The following DCHS2 variants were observed in gnomAD, a reference collection of about 807,000 sequenced individuals.
The protein encoded by DCHS2 is dachsous cadherin-related 2.
Under a neutral mutation model 182.4 loss-of-function variants are expected in DCHS2, and 142 were observed. That is an observed-to-expected ratio of 0.78 (90% confidence interval 0.68 to 0.89). DCHS2 has a LOEUF of 0.89. Ranked by LOEUF, DCHS2 falls within the 40% of genes least tolerant of loss-of-function variation. The pLI, the probability that DCHS2 is intolerant of heterozygous loss-of-function variation, is 0.00. For missense variants in DCHS2, 4,319 were observed against 4,198.6 expected (o/e 1.03, Z -0.79); for synonymous variants, 1,740 against 1,663.3 (o/e 1.05, Z -1.12).
chr4:154,416,300 C>G (rs548853479), intron 1 of DCHS2, among the ~76,000 whole-genome samples: 3 of 152,300 alleles, frequency 2.0e-5, no homozygotes, highest in African/African-American at 7.2e-5. Flanking sequence ...GCATCAGCCC[C>G]GTCTTCTATT....
chr4:154,380,845 G>A (rs1731135458), intron 1 of DCHS2, among the ~76,000 whole-genome samples: 1 of 152,030 alleles, frequency 6.6e-6, no homozygotes, highest in Non-Finnish European at 1.5e-5. Flanking sequence ...TTAATATTGG[G>A]TCTTGAATGC....
At chr4:154,316,754 A>C (rs1439209878) in intron 9 of DCHS2, among the ~76,000 whole-genome samples, 1 of 152,204 alleles carries the variant, frequency 6.6e-6, no homozygotes, top group Non-Finnish European at 1.5e-5. Flanking sequence ...ACTGCACTCT[A>C]GCCTGGGCAA....
At chr4:154,336,562 A>G (rs1728820128) in intron 3 of DCHS2, among the ~76,000 whole-genome samples, 1 of 152,200 alleles carries the variant, frequency 6.6e-6, no homozygotes, top group African/African-American at 2.4e-5. Context: ...CTAGGCATTA[A>G]AAGGTGACAT....
chr4:154,446,690 T>C (rs947047745), intron 1 of DCHS2, among the ~76,000 whole-genome samples: 3 of 152,018 alleles, frequency 2.0e-5, no homozygotes, highest in African/African-American at 7.3e-5. Context: ...CCAAATGACA[T>C]TACATGATGG....
At chr4:154,282,788 C>A (rs1035383194) in intron 13 of DCHS2, among the ~76,000 whole-genome samples, 6 of 152,008 alleles carry the variant, frequency 3.9e-5, no homozygotes, top group Admixed American at 3.3e-4. Flanking sequence ...AAATGTCCCT[C>A]AATGAATGAA....
At position 154,491,278 on chromosome 4, in the gene DCHS2, G is replaced by A. The variant is rs73856409; in HGVS notation, c.78C>T (p.Pro26=). Residue 26 remains proline, a synonymous_variant, in exon 1 of 20, where the codon CCC becomes CCT. Transcript: ENST00000357232. ...RAPVGKLLLL[P]GRRDTPHGRS... Reference sequence around the variant, plus strand: ...GCCCATGGGGTGTATCTCTCCTCCCGGGGAGCAGAAGGAGCTTCCCGACCG... The same window carrying A: ...GCCCATGGGGTGTATCTCTCCTCCCAGGGAGCAGAAGGAGCTTCCCGACCG... 4.4e-3 allele frequency: 6,836 copies of A among 1,550,020 alleles called. 219 individuals carry two copies. In the South Asian group the frequency reaches 0.061, roughly 14 times the overall value.
intron 9 of DCHS2, among the ~76,000 whole-genome samples, chr4:154,317,449 C>T (rs1561036686): frequency 6.6e-6 from 1 of 152,166 alleles, no homozygotes; most frequent in Non-Finnish European, 1.5e-5. Flanking sequence ...AATGAAACCA[C>T]ATGTACAAGA....
chr4:154,362,964 G>A (rs188570820), intron 3 of DCHS2, among the ~76,000 whole-genome samples: 3,356 of 152,266 alleles, frequency 0.022, 60 homozygotes, highest in Non-Finnish European at 0.033. Flanking sequence ...GTCAGTGATA[G>A]GCTATTAGCA....
At chr4:154,240,199 G>T (rs1011368798) in intron 18 of DCHS2, among the ~76,000 whole-genome samples, 1 of 150,806 alleles carries the variant, frequency 6.6e-6, no homozygotes, top group Non-Finnish European at 1.5e-5. Context: ...ATGAAAGAAA[G>T]AATTTTCCCA....
In DCHS2 at chr4:154,469,243, T is replaced by C. The variant is rs551206382; in HGVS notation, c.2052+20061A>G. ...ATCTTCTCAATATAAAAATTTCTAT[T>C]TTTTTTTTACTTTTGGATGTCATAA... On this transcript the variant is annotated intron_variant, in intron 1 of 19. Coordinates refer to ENST00000357232, the MANE Select transcript of DCHS2 (RefSeq NM_001358235.2). 2.7e-5 allele frequency among the ~76,000 whole-genome samples: 4 copies of C among 150,734 alleles called. No homozygotes were observed. In the East Asian group the frequency reaches 7.8e-4, roughly 29 times the overall value.
At chr4:154,240,409 G>A (rs751905940) in intron 18 of DCHS2, 128 bp downstream of exon 18, 104 of 1,135,788 alleles carry the variant, frequency 9.2e-5, no homozygotes, top group Non-Finnish European at 1.2e-4. Flanking sequence ...AACCCGCAGC[G>A]TTAACTTAGG....
At chr4:154,292,452 T>A (rs1396999485) in intron 13 of DCHS2, among the ~76,000 whole-genome samples, 1 of 152,206 alleles carries the variant, frequency 6.6e-6, no homozygotes, top group Non-Finnish European at 1.5e-5. Context: ...TTGTTCCATT[T>A]AGCTATGAAG....
chr4:154,489,851 C>G lies in DCHS2; in HGVS notation c.1505G>C (p.Arg502Pro). 2 of 1,548,602 alleles carry G rather than the reference C, an allele frequency of 1.3e-6. No homozygotes were observed. The highest frequency in any genetic ancestry group is 1.7e-6 in the Non-Finnish European group (2 of 1,144,774). The change falls in exon 1 of 20, where the codon CGC becomes CCC. Residue 502 changes from arginine to proline, a missense_variant. Arg to Pro is a moderately radical substitution (Grantham distance 103, BLOSUM62 -2). Transcript: ENST00000357232. ...CACCAGTAGTAACTCATACAGATCG[C>G]GGCTCTCTCTGTCCAGGGGCCCCTC... is the stretch of plus-strand genomic sequence containing the variant. ...CVEGPLDRESRDLYELLLVAT... is the reference protein window; with the variant it reads ...CVEGPLDRESPDLYELLLVAT...
chr4:154,299,091 TA>T (rs376921035), intron 12 of DCHS2, among the ~76,000 whole-genome samples: 33 of 152,038 alleles, frequency 2.2e-4, no homozygotes, highest in East Asian at 9.7e-4. Context: ...TAGATGAGGA[TA>T]AAAAAAACAG....
At chr4:154,440,039 C>T (rs2110953395) in intron 1 of DCHS2, among the ~76,000 whole-genome samples, 1 of 152,332 alleles carries the variant, frequency 6.6e-6, no homozygotes, top group South Asian at 2.1e-4. Flanking sequence ...TTATTGAATT[C>T]TTTCCTAACC....
At chr4:154,239,021 A>T (rs1731669268) in intron 19 of DCHS2, 149 bp downstream of exon 19, 2 of 1,065,436 alleles carry the variant, frequency 1.9e-6, no homozygotes, top group Admixed American at 6.5e-5. Context: ...GCAGCACTTC[A>T]TGTGAAGAGT....
chr4:154,469,736 C>T (rs1357413033), intron 1 of DCHS2, among the ~76,000 whole-genome samples: 1 of 152,168 alleles, frequency 6.6e-6, no homozygotes, highest in African/African-American at 2.4e-5. Context: ...TGCCTTTGTA[C>T]TTACTGGTCC....
Position 154,232,123 on chromosome 4 carries a change from CCA to C in DCHS2, c.*2411_*2412del, listed in dbSNP as rs1731227864. The C allele has an allele frequency of 6.6e-6, 1 of 152,226 alleles. No homozygotes were observed. The highest frequency in any genetic ancestry group is 2.4e-5 in the African/African-American group (1 of 41,556). 9.4% of individuals were successfully genotyped at this position (152,226 alleles called of 1,614,324 possible). A position where few individuals can be genotyped will look rare whatever the true frequency, so the allele number is the denominator to read the frequency against. ...TCCACTAACAAGTTCTGTACCCCCT[CCA>C]GAGTGCTAAAGCCAGTGCATAGATC... is the stretch of plus-strand genomic sequence containing the variant. On this transcript the variant is annotated 3_prime_UTR_variant, in exon 20 of 20. Transcript: ENST00000357232.
At chr4:154,310,067 G>A (rs1204630055) in intron 10 of DCHS2, among the ~76,000 whole-genome samples, 1 of 152,186 alleles carries the variant, frequency 6.6e-6, no homozygotes, top group Non-Finnish European at 1.5e-5. Flanking sequence ...TAAATACCTT[G>A]TAAGGAGATG....
Sources: allele counts gnomAD v4.1 joint callset (sites outside exome capture counted in the v4.1 genomes callset), GRCh38; gene constraint gnomAD v4.1.1; transcripts MANE v1.5; gene names NCBI Gene and HGNC (gene_info 2026-07-23, HGNC 2026-07-21).